ST3GAL3: variants seen among roughly 807,000 people sequenced by gnomAD.
ST3GAL3 encodes the protein CMP-N-acetylneuraminate-beta-1,4-galactoside alpha-2,3-sialyltransferase.
Under a neutral mutation model 50.1 loss-of-function variants are expected in ST3GAL3, and 21 were observed. That is an observed-to-expected ratio of 0.42 (90% CI 0.30 to 0.60). The LOEUF (loss-of-function observed/expected upper bound fraction) is 0.60, where lower values mean the gene tolerates loss of function less well. Among genes scored for constraint, ST3GAL3 ranks in the 20% least tolerant of loss-of-function variants. The probability of loss-of-function intolerance (pLI) is 0.19; values close to 1 mark genes in which losing one functional copy is unlikely to be tolerated. For missense variants in ST3GAL3, 353 were observed against 489.4 expected, an observed-to-expected ratio of 0.72 and a Z score of 2.63; for synonymous variants, 183 against 190.0, an observed-to-expected ratio of 0.96 and a Z score of 0.30.
intron 2 of ST3GAL3, among the ~76,000 whole-genome samples, chr1:43,749,838 T>G (rs887396232): frequency 2.6e-5 from 4 of 152,024 alleles, no homozygotes; most frequent in Non-Finnish European, 5.9e-5. Context: ...CAGAGAGAGT[T>G]TGGTCCCTTT....
rs908231126 is a variant in ST3GAL3, at chr1:43,929,951, T to C, written c.1039-181T>C. 6 of 752,096 alleles carry C rather than the reference T, an allele frequency of 8.0e-6. No individual in the cohort carries two copies. The South Asian group carries it at 8.2e-5, about 10-fold the overall frequency. The allele number at this position is 752,096 out of a possible 1,614,324, so 46.6% of individuals were successfully genotyped here. A position where few individuals can be genotyped will look rare whatever the true frequency, so the allele number is the denominator to read the frequency against. ...GTCTTGGGAAGGGAGGAGGATGAGCTGTGGCACTCCTAGAGCAGGGTCATC... is the reference window on the plus strand; with the variant it reads ...GTCTTGGGAAGGGAGGAGGATGAGCCGTGGCACTCCTAGAGCAGGGTCATC... On this transcript the variant is annotated intron_variant, in intron 11 of 11. Coordinates refer to ENST00000347631, the MANE Select transcript of ST3GAL3 (RefSeq NM_006279.5).
At chr1:43,757,031 A>G (rs1350638305) in intron 2 of ST3GAL3, among the ~76,000 whole-genome samples, 4 of 152,034 alleles carry the variant, frequency 2.6e-5, no homozygotes, top group African/African-American at 9.7e-5. Context: ...AGCACCCCCA[A>G]GTACCTGGGA....
intron 4 of ST3GAL3, chr1:43,824,713 C>T (rs762749396): frequency 6.2e-7 from 1 of 1,613,920 alleles, no homozygotes; most frequent in Non-Finnish European, 8.5e-7. Context: ...CTGAAAAAGC[C>T]AAATTCCCAC....
chr1:43,838,805 G>T, intron 5 of ST3GAL3: 1 of 227,184 alleles, frequency 4.4e-6, no homozygotes, highest in Non-Finnish European at 8.9e-6. Flanking sequence ...TTTGGCACCT[G>T]AAAGAATCTG....
chr1:43,817,473 TCTC>T (rs1465300286), intron 4 of ST3GAL3, among the ~76,000 whole-genome samples: 47 of 148,828 alleles, frequency 3.2e-4, no homozygotes, highest in African/African-American at 9.6e-4. Flanking sequence ...TTCTTCTCCT[TCTC>T]CTTGTTCTTC....
intron 9 of ST3GAL3, among the ~76,000 whole-genome samples, chr1:43,917,508 A>G (rs1451391066): frequency 2.7e-5 from 2 of 72,872 alleles, no homozygotes; most frequent in Non-Finnish European, 5.1e-5. Context: ...AATATATTAT[A>G]TAATATAATA....
At chr1:43,860,830 A>G (rs2069729983) in intron 5 of ST3GAL3, among the ~76,000 whole-genome samples, 1 of 152,222 alleles carries the variant, frequency 6.6e-6, no homozygotes, top group Non-Finnish European at 1.5e-5. Context: ...CATTTTTTCC[A>G]GCCTGTAACT....
intron 9 of ST3GAL3, among the ~76,000 whole-genome samples, chr1:43,915,407 G>T (rs540124798): frequency 6.6e-6 from 1 of 152,182 alleles, no homozygotes; most frequent in Non-Finnish European, 1.5e-5. Context: ...AGCTAAATAC[G>T]CGTGATGTCC....
At chr1:43,857,582 CCCTCCCTTCCTTCCTT>C (rs1311455258) in intron 5 of ST3GAL3, among the ~76,000 whole-genome samples, 17 of 93,842 alleles carry the variant, frequency 1.8e-4, no homozygotes, top group African/African-American at 7.1e-4. Flanking sequence ...TTTCCTTCCT[CCCTCCCTTCCTTCCTT>C]CCTTCCTTCC....
intron 2 of ST3GAL3, among the ~76,000 whole-genome samples, chr1:43,766,865 A>G (rs1427552970): frequency 1.3e-5 from 2 of 152,158 alleles, no homozygotes; most frequent in Non-Finnish European, 2.9e-5. Context: ...GCAAAATAAG[A>G]GGAAGTGACT....
chr1:43,817,555 C>CT (rs1396942663), intron 4 of ST3GAL3, among the ~76,000 whole-genome samples: 17 of 91,040 alleles, frequency 1.9e-4, no homozygotes, highest in East Asian at 9.0e-4. Flanking sequence ...TCTTCTTCTT[C>CT]TCCTTCTTCC....
At chr1:43,851,480 A>T in intron 5 of ST3GAL3, 1 of 1,598,832 alleles carries the variant, frequency 6.3e-7, no homozygotes. Context: ...GAGTAAAGTC[A>T]GTCCTGCCTT....
intron 9 of ST3GAL3, among the ~76,000 whole-genome samples, chr1:43,905,359 CCTTCTG>C (rs2079162143): frequency 7.8e-6 from 1 of 128,414 alleles, no homozygotes; most frequent in Non-Finnish European, 1.7e-5. Flanking sequence ...TCCCCCTCCT[CCTTCTG>C]TTCCTCTTCC....
At chr1:43,862,745 CAAAA>C (rs749080973) in intron 5 of ST3GAL3, among the ~76,000 whole-genome samples, 2 of 104,398 alleles carry the variant, frequency 1.9e-5, no homozygotes, top group Non-Finnish European at 2.1e-5. Flanking sequence ...CTGTCTCTAC[CAAAA>C]AAAAAAAAAA....
intron 3 of ST3GAL3, among the ~76,000 whole-genome samples, chr1:43,792,685 C>A (rs1043789001): frequency 6.6e-6 from 1 of 152,232 alleles, no homozygotes; most frequent in Non-Finnish European, 1.5e-5. Context: ...GGTGGACACA[C>A]TCCTTCTCTT....
intron 9 of ST3GAL3, among the ~76,000 whole-genome samples, chr1:43,903,025 T>C (rs1439218041): frequency 1.3e-5 from 2 of 152,072 alleles, no homozygotes; most frequent in Non-Finnish European, 2.9e-5. Context: ...AGAAGGCCTC[T>C]TGGAGGAGTC....
chr1:43,875,214 T>C (rs1225386714), intron 5 of ST3GAL3, among the ~76,000 whole-genome samples: 2 of 152,132 alleles, frequency 1.3e-5, no homozygotes, highest in African/African-American at 4.8e-5. Flanking sequence ...GGCTTGATGA[T>C]TTCAGTGTGT....
At chr1:43,851,825 G>A (rs2067367891) in intron 5 of ST3GAL3, among the ~76,000 whole-genome samples, 1 of 152,070 alleles carries the variant, frequency 6.6e-6, no homozygotes, top group African/African-American at 2.4e-5. Flanking sequence ...TCCCAGACCC[G>A]CTGACCCAAT....
In ST3GAL3 at chr1:43,779,142, A is replaced by G. The variant is rs533486460; in HGVS notation, c.119-12960A>G. ...TATTTGGTAGAGATTGGGTTTTGCC[A>G]TGTTTGCCAGGCTAGTCTCAAACTC... On this transcript the variant is annotated intron_variant, in intron 2 of 11. Transcript: ENST00000347631. 1.9e-3 allele frequency among the ~76,000 whole-genome samples: 283 copies of G among 146,730 alleles called. 2 individuals carry two copies. The highest frequency in any genetic ancestry group is 3.0e-3 in the Non-Finnish European group (203 of 67,276).
Sources: gnomAD v4.1 joint callset for allele counts (sites outside exome capture counted in the v4.1 genomes callset) on GRCh38, gnomAD v4.1.1 for gene constraint, MANE v1.5 for transcripts, NCBI Gene and HGNC (gene_info 2026-07-23, HGNC 2026-07-21) for gene names.